The following SPATA18 variants were observed in gnomAD, a reference collection of about 807,000 sequenced individuals.
SPATA18 encodes spermatogenesis associated 18, also known as mitochondria-eating protein.
Under a neutral mutation model 68.1 loss-of-function variants are expected in SPATA18, and 54 were observed. The observed-to-expected ratio is 0.79, with a 90% CI of 0.64 to 0.99. The LOEUF (loss-of-function observed/expected upper bound fraction) is 0.99, where lower values mean the gene tolerates loss of function less well. Among genes scored for constraint, SPATA18 ranks in the 50% least tolerant of loss-of-function variants. The pLI is 0.00. For missense variants in SPATA18, 724 were observed against 681.1 expected, an observed-to-expected ratio of 1.06 and a Z score of -0.70; for synonymous variants, 242 against 244.8, an observed-to-expected ratio of 0.99 and a Z score of 0.11.
At chr4:52,084,248 C>A (rs956744179) in intron 10 of SPATA18, among the ~76,000 whole-genome samples, 3 of 152,132 alleles carry the variant, frequency 2.0e-5, no homozygotes, top group Admixed American at 2.0e-4. Flanking sequence ...CATCAAATAG[C>A]CATTGCCTTT....
At chr4:52,085,961 C>T (rs761527843) in intron 11 of SPATA18, among the ~76,000 whole-genome samples, 7 of 152,098 alleles carry the variant, frequency 4.6e-5, no homozygotes, top group Non-Finnish European at 7.4e-5. Flanking sequence ...TTATGATTCA[C>T]CACTATTCAT....
At position 52,071,982 on chromosome 4, in the gene SPATA18, A is replaced by G; in HGVS notation, c.584A>G (p.Asn195Ser). 1 of 1,614,018 alleles carries G rather than the reference A, an allele frequency of 6.2e-7. No homozygotes were observed. Among genetic ancestry groups the G allele is most frequent in the Non-Finnish European group, 8.5e-7 (1 of 1,180,016 alleles). The change falls in exon 6 of 13, where the codon AAT (asparagine) becomes AGT (serine). Residue 195 changes from asparagine to serine, a missense_variant. Transcript: ENST00000295213. ...HRNTDQRSSE[N>S]RRSEPWSLEE... ...AACACAGATCAGAGGAGCTCAGAGA[A>G]TAGGCGGTCAGAGCCTTGGAGCTTG...
Position 52,082,499 on chromosome 4 carries a change from A to C in SPATA18, c.1468A>C (p.Arg490=), listed in dbSNP as rs1457426363. ...VIMKGEAVTR[R]GAFWNSVRSV... ...TATGAAGGGAGAAGCTGTCACCAGG[A>C]GAGGGGCTTTTGTACGGTGGCCTTG... is the stretch of plus-strand genomic sequence containing the variant. Residue 490 remains arginine (R), a synonymous_variant, in exon 10 of 13, where the codon AGA becomes CGA. Transcript: ENST00000295213. The C allele has an allele frequency of 1.2e-6, 2 of 1,614,136 alleles. No homozygotes were observed. The highest frequency in any genetic ancestry group is 2.2e-5 in the South Asian group (2 of 91,082).
intron 4 of SPATA18, among the ~76,000 whole-genome samples, chr4:52,064,694 T>TG (rs1230325373): frequency 3.3e-5 from 5 of 152,240 alleles, no homozygotes; most frequent in Admixed American, 6.5e-5. Context: ...GCACTTAGGT[T>TG]GGTTCCATAT....
At chr4:52,088,609 G>C (rs1347218035) in intron 11 of SPATA18, among the ~76,000 whole-genome samples, 1 of 152,166 alleles carries the variant, frequency 6.6e-6, no homozygotes, top group Admixed American at 6.5e-5. Flanking sequence ...TATTGAACCA[G>C]CCTTGCATCC....
chr4:52,085,121 A>G, intron 11 of SPATA18, 122 bp downstream of exon 11: 1 of 664,024 alleles, frequency 1.5e-6, no homozygotes, highest in South Asian at 2.1e-5. Flanking sequence ...ACCTGTTGCA[A>G]TAATGCTAGC....
At chr4:52,053,357 C>G (rs1578139371) in intron 1 of SPATA18, among the ~76,000 whole-genome samples, 1 of 152,170 alleles carries the variant, frequency 6.6e-6, no homozygotes, top group African/African-American at 2.4e-5. Context: ...GCTGCACTCA[C>G]AGCCACCAGT....
At chr4:52,053,209 A>G (rs1481379174) in intron 1 of SPATA18, among the ~76,000 whole-genome samples, 1 of 152,232 alleles carries the variant, frequency 6.6e-6, no homozygotes, top group African/African-American at 2.4e-5. Flanking sequence ...CTAATAAACA[A>G]TTATTTTAGA....
chr4:52,081,635 G>A (rs1740926353), intron 9 of SPATA18, among the ~76,000 whole-genome samples: 1 of 152,014 alleles, frequency 6.6e-6, no homozygotes, highest in Non-Finnish European at 1.5e-5. Flanking sequence ...TTCTAACAGT[G>A]TTTATTCATT....
chr4:52,058,458 G>A (rs984108675), intron 1 of SPATA18, among the ~76,000 whole-genome samples: 1 of 152,142 alleles, frequency 6.6e-6, no homozygotes, highest in Non-Finnish European at 1.5e-5. Flanking sequence ...TCCATGCCAG[G>A]TGCGAAAGGC....
chr4:52,056,455 A>G (rs114292734), intron 1 of SPATA18, among the ~76,000 whole-genome samples: 2,120 of 152,330 alleles, frequency 0.014, 48 homozygotes, highest in African/African-American at 0.047. Context: ...GGAGCCATGT[A>G]TATAAAGCTC....
At chr4:52,065,324 T>C (rs562523516) in intron 4 of SPATA18, among the ~76,000 whole-genome samples, 2 of 152,310 alleles carry the variant, frequency 1.3e-5, no homozygotes, top group Admixed American at 1.3e-4. Context: ...ATTTTGGTTT[T>C]TGTTGCATTT....
intron 1 of SPATA18, among the ~76,000 whole-genome samples, chr4:52,056,285 T>A (rs772985789): frequency 6.6e-6 from 1 of 152,162 alleles, no homozygotes; most frequent in Non-Finnish European, 1.5e-5. Flanking sequence ...TCCATCTGCT[T>A]TGGGGAAAGC....
intron 1 of SPATA18, among the ~76,000 whole-genome samples, chr4:52,056,554 C>T (rs1469217277): frequency 8.5e-6 from 1 of 117,364 alleles, no homozygotes; most frequent in Non-Finnish European, 2.2e-5. Flanking sequence ...CCTGCAGGCC[C>T]CCTGACTTGT....
At chr4:52,094,836 G>A (rs888224603) in intron 12 of SPATA18, 44 bp from the exon 13 acceptor site, 18 of 1,612,802 alleles carry the variant, frequency 1.1e-5, no homozygotes, top group African/African-American at 1.3e-5. Flanking sequence ...AAAGAAAATC[G>A]AAGAAAGTGA....
At chr4:52,079,226 A>G (rs1423584371) in intron 8 of SPATA18, among the ~76,000 whole-genome samples, 1 of 152,156 alleles carries the variant, frequency 6.6e-6, no homozygotes, top group Non-Finnish European at 1.5e-5. Flanking sequence ...GATCTTACAC[A>G]TTTACTTAAT....
intron 6 of SPATA18, among the ~76,000 whole-genome samples, chr4:52,075,705 T>A (rs1445551776): frequency 2.0e-5 from 3 of 152,126 alleles, no homozygotes; most frequent in Non-Finnish European, 4.4e-5. Flanking sequence ...AAAAAAGAGA[T>A]CATATAATGT....
At position 52,078,869 on chromosome 4, in the gene SPATA18, A is replaced by G. The variant is rs1740652851; in HGVS notation, c.1155A>G (p.Leu385=). The G allele has an allele frequency of 1.3e-6, 2 of 1,593,244 alleles. No homozygotes were observed. Among genetic ancestry groups the G allele is most frequent in the East Asian group, 2.3e-5 (1 of 44,310 alleles). Residue 385 remains leucine, a synonymous_variant, in exon 8 of 13, where the codon CTA becomes CTG. Coordinates refer to ENST00000295213, the MANE Select transcript of SPATA18 (RefSeq NM_145263.4). ...VLDYVICHLD[L]YDSQSSVNDV... ...ATTATGTCATTTGTCATCTTGATCT[A>G]TATGATTCTCAAAGCAGTGTCAATG...
chr4:52,059,665 G>A (rs1020415273), intron 1 of SPATA18, among the ~76,000 whole-genome samples: 1 of 152,218 alleles, frequency 6.6e-6, no homozygotes, highest in African/African-American at 2.4e-5. Flanking sequence ...GCTCATCTGT[G>A]TAGGTAAGAC....
Sources: allele counts gnomAD v4.1 joint callset (sites outside exome capture counted in the v4.1 genomes callset), GRCh38; gene constraint gnomAD v4.1.1; transcripts MANE v1.5; gene names NCBI Gene and HGNC (gene_info 2026-07-23, HGNC 2026-07-21).